The following MIS18A variants were observed in gnomAD, a reference collection of about 807,000 sequenced individuals.
MIS18A encodes MIS18 kinetochore protein A, also known as protein Mis18-alpha.
MIS18A carries 14 observed loss-of-function variants against 25.0 expected under a neutral mutation model. The observed-to-expected ratio is 0.56, with a 90% CI of 0.37 to 0.88. The LOEUF is 0.88. Ranked by LOEUF, MIS18A falls within the 40% of genes least tolerant of loss-of-function variation. The probability of loss-of-function intolerance (pLI) is 0.00; values close to 1 mark genes in which losing one functional copy is unlikely to be tolerated. For synonymous variants in MIS18A, 134 were observed against 118.6 expected (o/e 1.13, Z -0.84); for missense variants, 292 against 290.8 (o/e 1.00, Z -0.03).
chr21:32,156,215 C>T, the MIS18A span, among the ~76,000 whole-genome samples: 4 of 152,148 alleles, frequency 2.6e-5, no homozygotes, highest in Non-Finnish European at 4.4e-5. Context: ...CAGCTCCTTA[C>T]AATTAGTTCT....
At chr21:32,239,634 G>T in the MIS18A span, among the ~76,000 whole-genome samples, 7 of 152,188 alleles carry the variant, frequency 4.6e-5, no homozygotes, top group African/African-American at 1.7e-4. Flanking sequence ...GAAGAAAAAT[G>T]GATTCTTTGA....
At chr21:32,193,981 C>T in the MIS18A span, among the ~76,000 whole-genome samples, 1 of 151,990 alleles carries the variant, frequency 6.6e-6, no homozygotes, top group African/African-American at 2.4e-5. Context: ...CCAGTGGTAC[C>T]CCCTTGCCAG....
Position 32,278,721 on chromosome 21 carries a change from C to G in MIS18A, c.294G>C (p.Trp98Cys), listed in dbSNP as rs772049435. ...CRRPLGDSLS[W>C]VASQEDTNCI... ...AGTTGGTGTCCTCCTGGCTGGCCAC[C>G]CAGCTCAGCGAGTCGCCCAGCGGCC... Residue 98 changes from tryptophan (W) to cysteine (C), a missense_variant, in exon 1 of 5, where the codon TGG becomes TGC. Physicochemically the swap from Trp to Cys is radical, Grantham distance 215 (BLOSUM62 -2). Transcript: ENST00000290130. 8 of 1,580,636 alleles carry G rather than the reference C, an allele frequency of 5.1e-6. No homozygotes were observed. The highest frequency in any genetic ancestry group is 6.8e-6 in the Non-Finnish European group (8 of 1,170,172).
the MIS18A span, among the ~76,000 whole-genome samples, chr21:32,197,018 T>C: frequency 6.6e-6 from 1 of 151,628 alleles, no homozygotes; most frequent in Non-Finnish European, 1.5e-5. Flanking sequence ...AATATTTTAA[T>C]CTCAGGACAG....
At chr21:32,226,136 G>A in the MIS18A span, among the ~76,000 whole-genome samples, 2 of 133,502 alleles carry the variant, frequency 1.5e-5, no homozygotes, top group Non-Finnish European at 1.6e-5. Flanking sequence ...GTGGTGGGGT[G>A]GGGGGAGTGG....
chr21:32,189,838 T>C, the MIS18A span, among the ~76,000 whole-genome samples: 1 of 152,260 alleles, frequency 6.6e-6, no homozygotes, highest in African/African-American at 2.4e-5. Context: ...TCCACACCAT[T>C]CTTAGTTATC....
At chr21:32,181,129 G>A in the MIS18A span, among the ~76,000 whole-genome samples, 4 of 152,120 alleles carry the variant, frequency 2.6e-5, no homozygotes, top group Non-Finnish European at 5.9e-5. Context: ...GAAGGCCTGA[G>A]TAGAACAAAA....
At chr21:32,245,234 C>A in the MIS18A span, among the ~76,000 whole-genome samples, 1 of 152,132 alleles carries the variant, frequency 6.6e-6, no homozygotes, top group Admixed American at 6.5e-5. Flanking sequence ...TCCTGAACAC[C>A]CAAACTGATG....
the MIS18A span, among the ~76,000 whole-genome samples, chr21:32,263,192 C>T: frequency 6.6e-6 from 1 of 152,198 alleles, no homozygotes; most frequent in Non-Finnish European, 1.5e-5. Context: ...CTGGGGAGAG[C>T]AAAATAGATG....
At chr21:32,274,206 T>C (rs1179467903) in intron 2 of MIS18A, among the ~76,000 whole-genome samples, 1 of 137,424 alleles carries the variant, frequency 7.3e-6, no homozygotes, top group East Asian at 2.0e-4. Flanking sequence ...TCTTTTTTTT[T>C]TTTTTTTTTT....
chr21:32,205,645 A>G, the MIS18A span, among the ~76,000 whole-genome samples: 1 of 152,086 alleles, frequency 6.6e-6, no homozygotes, highest in Non-Finnish European at 1.5e-5. Context: ...AGAAAAAATG[A>G]CTTGTTTCAG....
chr21:32,198,545 C>T, the MIS18A span, among the ~76,000 whole-genome samples: 3 of 152,190 alleles, frequency 2.0e-5, no homozygotes, highest in Non-Finnish European at 4.4e-5. Context: ...GGTGCTGTTG[C>T]CCCGGGCCCG....
chr21:32,192,476 C>T, the MIS18A span, among the ~76,000 whole-genome samples: 2 of 152,154 alleles, frequency 1.3e-5, no homozygotes, highest in African/African-American at 4.8e-5. Context: ...TGCTGGGGAG[C>T]CCAGGACCCC....
the MIS18A span, among the ~76,000 whole-genome samples, chr21:32,192,531 T>G: frequency 6.6e-6 from 1 of 152,206 alleles, no homozygotes; most frequent in Non-Finnish European, 1.5e-5. Context: ...GGTCAGAGAC[T>G]AGCCCCCTTT....
At chr21:32,197,913 T>C in the MIS18A span, 1 of 152,254 alleles carries the variant, frequency 6.6e-6, no homozygotes, top group African/African-American at 2.4e-5. Flanking sequence ...ATTTGGCTTT[T>C]ATTCTATTAC....
At chr21:32,254,374 A>C in the MIS18A span, among the ~76,000 whole-genome samples, 28 of 151,790 alleles carry the variant, frequency 1.8e-4, no homozygotes, top group African/African-American at 6.3e-4. Context: ...TAAAAATACA[A>C]AAAGAAATTA....
At chr21:32,231,907 G>A in the MIS18A span, among the ~76,000 whole-genome samples, 12 of 152,016 alleles carry the variant, frequency 7.9e-5, no homozygotes, top group South Asian at 1.5e-3. Flanking sequence ...GCAAGACTCC[G>A]TCTCAAAACA....
At chr21:32,246,833 G>T in the MIS18A span, among the ~76,000 whole-genome samples, 5 of 152,186 alleles carry the variant, frequency 3.3e-5, no homozygotes, top group African/African-American at 1.2e-4. Flanking sequence ...GCTGATGATG[G>T]AGGGAAATGA....
At chr21:32,164,911 C>A in the MIS18A span, among the ~76,000 whole-genome samples, 1 of 152,174 alleles carries the variant, frequency 6.6e-6, no homozygotes, top group Admixed American at 6.5e-5. Context: ...TCTAGAATAA[C>A]ATCCTTAAAA....
Sources: gnomAD v4.1 joint callset for allele counts (sites outside exome capture counted in the v4.1 genomes callset) on GRCh38, gnomAD v4.1.1 for gene constraint, MANE v1.5 for transcripts, NCBI Gene and HGNC (gene_info 2026-07-23, HGNC 2026-07-21) for gene names.